TNS3: variants seen among roughly 807,000 people sequenced by gnomAD.
The protein encoded by TNS3 is tensin-3.
In TNS3, 45 loss-of-function variants were observed where a neutral mutation model predicts 140.9. The observed-to-expected ratio is 0.32, with a 90% CI of 0.25 to 0.41. TNS3 has a LOEUF of 0.41. TNS3 is among the 10% of genes least tolerant of loss of function. The pLI is 1.00. For missense variants in TNS3, 1,716 were observed against 1,906.7 expected, an observed-to-expected ratio of 0.90 and a Z score of 1.86; for synonymous variants, 815 against 788.4, an observed-to-expected ratio of 1.03 and a Z score of -0.56.
intron 3 of TNS3, among the ~76,000 whole-genome samples, chr7:47,493,784 C>T (rs1409846987): frequency 1.3e-4 from 19 of 150,840 alleles, no homozygotes; most frequent in Middle Eastern, 3.4e-3. Context: ...GCCGAGATCG[C>T]GCCACTGCAC....
At chr7:47,484,242 C>T (rs1465491122) in intron 3 of TNS3, among the ~76,000 whole-genome samples, 1 of 152,070 alleles carries the variant, frequency 6.6e-6, no homozygotes, top group African/African-American at 2.4e-5. Context: ...GAGCACCAAC[C>T]AGAGAAAAAG....
chr7:47,444,496 G>A (rs190756726), intron 4 of TNS3, among the ~76,000 whole-genome samples: 72 of 152,292 alleles, frequency 4.7e-4, no homozygotes, highest in Non-Finnish European at 8.8e-4. Context: ...ACACAAATAC[G>A]TGACTGCTCA....
intron 16 of TNS3, among the ~76,000 whole-genome samples, chr7:47,380,170 C>T (rs1215269385): frequency 6.6e-6 from 1 of 152,222 alleles, no homozygotes; most frequent in African/African-American, 2.4e-5. Flanking sequence ...GTCACAGACG[C>T]CGCCAAGGTG....
intron 16 of TNS3, among the ~76,000 whole-genome samples, chr7:47,396,427 T>C (rs1228099821): frequency 6.6e-6 from 1 of 152,208 alleles, no homozygotes; most frequent in Non-Finnish European, 1.5e-5. Context: ...CGTACAACAG[T>C]AGCTAGTTTG....
upstream of TNS3, chr7:47,582,439 G>A (rs1029392081): frequency 2.2e-6 from 1 of 456,654 alleles, no homozygotes; most frequent in South Asian, 1.5e-5. Flanking sequence ...GGGGAGGCGG[G>A]TTCGGATCCT....
intron 20 of TNS3, among the ~76,000 whole-genome samples, chr7:47,315,707 A>G (rs1253048246): frequency 6.6e-6 from 1 of 152,250 alleles, no homozygotes; most frequent in African/African-American, 2.4e-5. Flanking sequence ...GTTGTCAGAC[A>G]TATTAAACAT....
chr7:47,317,807 A>G (rs528106706), intron 20 of TNS3, among the ~76,000 whole-genome samples: 226 of 152,324 alleles, frequency 1.5e-3, no homozygotes, highest in Non-Finnish European at 2.3e-3. Flanking sequence ...CTAGGGAGTC[A>G]CTGGAAATAA....
intron 20 of TNS3, among the ~76,000 whole-genome samples, chr7:47,343,967 A>C (rs937976123): frequency 6.6e-6 from 1 of 152,210 alleles, no homozygotes; most frequent in East Asian, 1.9e-4. Context: ...TAAGGGGTAG[A>C]TGAAAATACA....
chr7:47,568,745 C>T (rs959374767), intron 1 of TNS3, among the ~76,000 whole-genome samples: 16 of 152,340 alleles, frequency 1.1e-4, no homozygotes, highest in African/African-American at 3.6e-4. Context: ...ATGGAAACCC[C>T]GGCAGATGTG....
Position 47,292,847 on chromosome 7 carries a change from C to T in TNS3, c.3831G>A (p.Lys1277=). 6.2e-7 allele frequency: 1 copy of T among 1,614,140 alleles called. No individual in the cohort carries two copies. ...HSITPLALPC[K]LLIPERDPLE... The stretch of plus-strand genomic sequence containing the variant: ...CCTTACCTCTCTCTGGGATAAGCAG[C>T]TTGCACGGCAAGGCCAAGGGCGTGA... The change falls in exon 26 of 31, where the codon AAG becomes AAA. Residue 1277 remains lysine, a synonymous_variant. Transcript: ENST00000311160.
chr7:47,507,793 C>A (rs1798474431), intron 2 of TNS3, among the ~76,000 whole-genome samples: 1 of 152,200 alleles, frequency 6.6e-6, no homozygotes, highest in African/African-American at 2.4e-5. Context: ...CCTGTGCCAG[C>A]TCCAAGGGAA....
intron 1 of TNS3, among the ~76,000 whole-genome samples, chr7:47,529,757 C>A (rs1318766811): frequency 3.9e-5 from 6 of 152,228 alleles, no homozygotes; most frequent in Non-Finnish European, 8.8e-5. Context: ...GCTACCTATT[C>A]ATGTTTGTAG....
chr7:47,502,061 T>A lies in TNS3; in HGVS notation c.-115+4846A>T, dbSNP rs150106263. Among the ~76,000 whole-genome samples the A allele has an allele frequency of 7.9e-3, 1,200 of 152,266 alleles. 20 individuals are homozygous for A. The highest frequency in any genetic ancestry group is 0.027 in the African/African-American group (1,142 of 41,548). On this transcript the variant is annotated intron_variant, in intron 3 of 30. Coordinates refer to ENST00000311160, the MANE Select transcript of TNS3 (RefSeq NM_022748.12). Reference sequence around the variant, plus strand: ...ACACAAACCTCAGCTCCATTTCTGATACATGAAGATGGCAAAGCACCAAAA... The same window carrying A: ...ACACAAACCTCAGCTCCATTTCTGAAACATGAAGATGGCAAAGCACCAAAA...
intron 27 of TNS3, among the ~76,000 whole-genome samples, chr7:47,288,336 G>C (rs1785525209): frequency 6.6e-6 from 1 of 152,216 alleles, no homozygotes; most frequent in African/African-American, 2.4e-5. Flanking sequence ...AGCTGGGCAG[G>C]ACAAGTGCTC....
intron 16 of TNS3, among the ~76,000 whole-genome samples, chr7:47,386,902 T>A (rs1050950594): frequency 6.6e-6 from 1 of 152,194 alleles, no homozygotes. Flanking sequence ...TGTGCTATGT[T>A]AAAAAATTTA....
chr7:47,319,760 A>G (rs1453786167), intron 20 of TNS3, among the ~76,000 whole-genome samples: 1 of 152,218 alleles, frequency 6.6e-6, no homozygotes, highest in Non-Finnish European at 1.5e-5. Context: ...CACTCGGGGC[A>G]TCTGCATCCC....
At chr7:47,453,602 T>C (rs962467444) in intron 4 of TNS3, among the ~76,000 whole-genome samples, 1 of 152,196 alleles carries the variant, frequency 6.6e-6, no homozygotes, top group South Asian at 2.1e-4. Context: ...CTAAATAAAA[T>C]TTTTAAAATA....
intron 6 of TNS3, among the ~76,000 whole-genome samples, chr7:47,438,871 T>C (rs754244477): frequency 3.9e-5 from 6 of 152,158 alleles, no homozygotes; most frequent in Non-Finnish European, 5.9e-5. Context: ...GGAGCTGTCA[T>C]TCAATCCCAT....
chr7:47,546,479 G>T (rs535608752), intron 1 of TNS3, among the ~76,000 whole-genome samples: 1 of 152,220 alleles, frequency 6.6e-6, no homozygotes, highest in African/African-American at 2.4e-5. Flanking sequence ...CTCCCCAGGT[G>T]GCCCAGGACG....
Sources: allele counts gnomAD v4.1 joint callset (sites outside exome capture counted in the v4.1 genomes callset), GRCh38; gene constraint gnomAD v4.1.1; transcripts MANE v1.5; gene names NCBI Gene and HGNC (gene_info 2026-07-23, HGNC 2026-07-21).